MGMT: variants seen among roughly 807,000 people sequenced by gnomAD.
MGMT encodes methylated-DNA--protein-cysteine methyltransferase.
Under a neutral mutation model 15.9 loss-of-function variants are expected in MGMT, and 14 were observed. The observed-to-expected ratio is 0.88, with a 90% confidence interval of 0.58 to 1.37. The LOEUF is 1.37. Ranked by LOEUF, MGMT falls within the 40% of genes most tolerant of loss-of-function variation. The pLI, the probability that MGMT is intolerant of heterozygous loss-of-function variation, is 0.00. For missense variants in MGMT, 282 were observed against 268.1 expected (o/e 1.05, Z -0.36); for synonymous variants, 130 against 118.2 (o/e 1.10, Z -0.65).
chr10:129,731,588 G>T (rs890941994), intron 3 of MGMT, among the ~76,000 whole-genome samples: 1 of 151,926 alleles, frequency 6.6e-6, no homozygotes, highest in East Asian at 1.9e-4. Flanking sequence ...TAGAGTTGCG[G>T]TTTCACCATT....
chr10:129,478,360 G>A (rs555699603), intron 1 of MGMT, among the ~76,000 whole-genome samples: 3 of 152,156 alleles, frequency 2.0e-5, no homozygotes, highest in African/African-American at 7.2e-5. Context: ...CTGCTTTTCA[G>A]GCTAAGATAG....
rs183277123 is a variant in MGMT at position 129,665,090 on chromosome 10, C to T, written c.126-42805C>T. On this transcript the variant is annotated intron_variant, in intron 2 of 4. Transcript: ENST00000651593. ...CACAGAAATCTGACTTAAATGTTTA[C>T]TCAAGTGAACAAAAACAGATACCTA... is the stretch of plus-strand genomic sequence containing the variant. Among the ~76,000 whole-genome samples, 145 of 140,130 alleles carry T rather than the reference C, an allele frequency of 1.0e-3. 1 individual carries two copies. The East Asian group carries it at 0.025, about 24-fold the overall frequency. The allele number at this position is 140,130 out of a possible 152,430, so 91.9% of individuals were successfully genotyped here.
At chr10:129,625,200 G>T (rs1847132815) in intron 2 of MGMT, among the ~76,000 whole-genome samples, 1 of 152,108 alleles carries the variant, frequency 6.6e-6, no homozygotes. Context: ...TTAATCTAAA[G>T]AAATCAAAAA....
intron 3 of MGMT, among the ~76,000 whole-genome samples, chr10:129,736,424 C>T (rs1848561539): frequency 6.7e-6 from 1 of 150,042 alleles, no homozygotes; most frequent in African/African-American, 2.4e-5. Flanking sequence ...GTAGATCTTC[C>T]TCCATCCTTT....
At chr10:129,490,382 C>T (rs1845457534) in intron 1 of MGMT, among the ~76,000 whole-genome samples, 1 of 152,190 alleles carries the variant, frequency 6.6e-6, no homozygotes, top group Non-Finnish European at 1.5e-5. Context: ...ATGAACATTA[C>T]TTGGCCACTA....
At chr10:129,729,796 TGGC>T (rs2133161420) in intron 3 of MGMT, among the ~76,000 whole-genome samples, 1 of 152,306 alleles carries the variant, frequency 6.6e-6, no homozygotes, top group Non-Finnish European at 1.5e-5. Flanking sequence ...AGTTAACTAA[TGGC>T]GGCAGCAGCA....
chr10:129,532,169 C>T lies in MGMT; in HGVS notation c.-12-4072C>T, dbSNP rs1165562995. Among the ~76,000 whole-genome samples, 1 of 152,224 alleles carries T rather than the reference C, an allele frequency of 6.6e-6. No individual in the cohort carries two copies. The highest frequency in any genetic ancestry group is 2.4e-5 in the African/African-American group (1 of 41,466). ...TCAGAGGGCTTGAGGCCAGCCTGCC[C>T]TTTGGATGAGAGGCCCATGCCATGA... On this transcript the variant is annotated intron_variant, in intron 1 of 4. Transcript: ENST00000651593. This position sits in a 1 kb window ranked among gnomAD's most constrained non-coding sequence, Gnocchi z 5.3.
intron 1 of MGMT, among the ~76,000 whole-genome samples, chr10:129,508,436 C>T (rs1845646825): frequency 6.6e-6 from 1 of 151,860 alleles, no homozygotes; most frequent in East Asian, 1.9e-4. Context: ...ACTGGTTTTA[C>T]ACTTAGAAGT....
At chr10:129,496,010 C>T (rs968686907) in intron 1 of MGMT, among the ~76,000 whole-genome samples, 26 of 152,254 alleles carry the variant, frequency 1.7e-4, no homozygotes, top group African/African-American at 5.1e-4. Context: ...GACTGGCACT[C>T]GCAGGCCTCC....
In MGMT at chr10:129,478,571, A is replaced by T. The variant is rs973971657; in HGVS notation, c.-13+11275A>T. ...GCTGTGGATTGTAGATCTGCAAAAT[A>T]TATCAAGTTCACAGGGATTTTATGA... is the stretch of plus-strand genomic sequence containing the variant. On this transcript the variant is annotated intron_variant, in intron 1 of 4. Coordinates refer to ENST00000651593, the MANE Select transcript of MGMT (RefSeq NM_002412.5). 3.3e-5 allele frequency among the ~76,000 whole-genome samples: 5 copies of T among 152,032 alleles called. 1 individual carries two copies. In the South Asian group the frequency reaches 8.3e-4, roughly 25 times the overall value.
Position 129,534,410 on chromosome 10 carries a change from T to C in MGMT, c.-12-1831T>C, listed in dbSNP as rs189815864. Among the ~76,000 whole-genome samples, 210 of 152,220 alleles carry C rather than the reference T, an allele frequency of 1.4e-3. 9 individuals are homozygous for C. The highest frequency in any genetic ancestry group is 1.4e-3 in the Non-Finnish European group (96 of 68,022). ...TCTGGGGTGATCGAATGGGATCCGG[T>C]TCAAATCCCTGTCAGTCTGCACAGA... On this transcript the variant is annotated intron_variant, in intron 1 of 4. Transcript: ENST00000651593.
chr10:129,704,047 C>T (rs947857621), intron 2 of MGMT, among the ~76,000 whole-genome samples: 9 of 152,204 alleles, frequency 5.9e-5, no homozygotes, highest in Non-Finnish European at 8.8e-5. Flanking sequence ...CCGCCTTCCC[C>T]AGGGATCAGG....
intron 1 of MGMT, among the ~76,000 whole-genome samples, chr10:129,531,791 G>GC (rs1301499217): frequency 6.8e-6 from 1 of 146,218 alleles, no homozygotes; most frequent in African/African-American, 2.5e-5. Context: ...GGGGTGGGGG[G>GC]GGGTGGGGGT....
chr10:129,739,807 A>G (rs528980777), intron 3 of MGMT, among the ~76,000 whole-genome samples: 90 of 152,262 alleles, frequency 5.9e-4, no homozygotes, highest in African/African-American at 2.0e-3. Flanking sequence ...AGCTATCATT[A>G]GTGTTAGTTA....
intron 3 of MGMT, among the ~76,000 whole-genome samples, chr10:129,749,637 C>CTAG: frequency 6.6e-6 from 1 of 152,214 alleles, no homozygotes; most frequent in Middle Eastern, 3.4e-3. Context: ...GAGTAAATAC[C>CTAG]TAGGTGTGCA....
At chr10:129,469,462 C>A (rs1245638985) in intron 1 of MGMT, among the ~76,000 whole-genome samples, 1 of 152,154 alleles carries the variant, frequency 6.6e-6, no homozygotes. Flanking sequence ...TGTTTCTGCA[C>A]TTCATTCTGA....
chr10:129,617,564 G>A (rs1024750911), intron 2 of MGMT, among the ~76,000 whole-genome samples: 4 of 151,954 alleles, frequency 2.6e-5, no homozygotes, highest in Non-Finnish European at 5.9e-5. Flanking sequence ...TAAGCATTCC[G>A]TTTTCTCTAC....
At chr10:129,519,055 C>T (rs1360770002) in intron 1 of MGMT, among the ~76,000 whole-genome samples, 13 of 152,074 alleles carry the variant, frequency 8.5e-5, no homozygotes, top group Non-Finnish European at 5.9e-5. Context: ...CAAAGAACCT[C>T]GACTATGATG....
intron 2 of MGMT, among the ~76,000 whole-genome samples, chr10:129,563,375 C>T (rs1846302812): frequency 1.3e-5 from 2 of 152,096 alleles, no homozygotes; most frequent in African/African-American, 2.4e-5. Flanking sequence ...CGTTGGTGTC[C>T]TGAGGCCGAG....
Sources: gnomAD v4.1 joint callset for allele counts (sites outside exome capture counted in the v4.1 genomes callset) on GRCh38, gnomAD v4.1.1 for gene constraint, Gnocchi (gnomAD v3.1) non-coding constraint, MANE v1.5 for transcripts, NCBI Gene and HGNC (gene_info 2026-07-23, HGNC 2026-07-21) for gene names.